Variants in HMGA2 observed in about 807,000 individuals in gnomAD.
The protein encoded by HMGA2 is high mobility group AT-hook 2.
A neutral mutation model predicts 19.1 loss-of-function variants in HMGA2; 8 were observed. The observed-to-expected ratio is 0.42, with a 90% confidence interval of 0.25 to 0.76. HMGA2 has a LOEUF of 0.76. Among genes scored for constraint, HMGA2 ranks in the 30% least tolerant of loss-of-function variants. HMGA2 has a pLI of 0.28. For missense variants in HMGA2, 109 were observed against 136.3 expected, an observed-to-expected ratio of 0.80 and a Z score of 1.00; for synonymous variants, 60 against 48.8, an observed-to-expected ratio of 1.23 and a Z score of -0.96.
chr12:65,874,745 T>C (rs1294072959), intron 3 of HMGA2, among the ~76,000 whole-genome samples: 1 of 152,370 alleles, frequency 6.6e-6, no homozygotes, highest in East Asian at 1.9e-4. Context: ...TGTTTTTCTG[T>C]ATGTATACAT....
intron 2 of HMGA2, among the ~76,000 whole-genome samples, chr12:65,836,068 G>C (rs1870704813): frequency 6.6e-6 from 1 of 152,160 alleles, no homozygotes; most frequent in African/African-American, 2.4e-5. Flanking sequence ...TACTTGCATT[G>C]ACCAAGGCTT....
At chr12:65,928,417 A>T (rs1875591163) in intron 3 of HMGA2, among the ~76,000 whole-genome samples, 1 of 152,230 alleles carries the variant, frequency 6.6e-6, no homozygotes, top group African/African-American at 2.4e-5. Flanking sequence ...AGCCTAGAAC[A>T]TTACTGTACA....
intron 3 of HMGA2, among the ~76,000 whole-genome samples, chr12:65,887,672 G>A (rs771492597): frequency 1.3e-5 from 2 of 152,000 alleles, no homozygotes; most frequent in South Asian, 2.1e-4. Context: ...GCAGTGAGCC[G>A]AGATCACGCC....
At chr12:65,880,395 C>G (rs572823814) in intron 3 of HMGA2, among the ~76,000 whole-genome samples, 1 of 152,152 alleles carries the variant, frequency 6.6e-6, no homozygotes, top group Non-Finnish European at 1.5e-5. Context: ...CCATGAAACA[C>G]GTGTTGCCCT....
At chr12:65,922,113 G>T (rs1002591399) in intron 3 of HMGA2, among the ~76,000 whole-genome samples, 1 of 152,188 alleles carries the variant, frequency 6.6e-6, no homozygotes, top group Non-Finnish European at 1.5e-5. Context: ...AGGGAAATGT[G>T]GGGTTGGAGC....
chr12:65,824,719 C>CTCTCTCTCTCTCTG lies in HMGA2; in HGVS notation c.-539_-538insGTCTCTCTCTCTCT, dbSNP rs1565697439. The stretch of plus-strand genomic sequence containing the variant: ...CACTTTCAATCTCAATCTCTTCTCT[C>CTCTCTCTCTCTCTG]TCTCTCTCTCTCTCTCTCTCTCTCT... On this transcript the variant is annotated 5_prime_UTR_variant, in exon 1 of 5. Coordinates refer to ENST00000403681, the MANE Select transcript of HMGA2 (RefSeq NM_003483.6). 4.4e-4 allele frequency: 31 copies of CTCTCTCTCTCTCTG among 70,564 alleles called. No individual in the cohort carries two copies. Among genetic ancestry groups the CTCTCTCTCTCTCTG allele is most frequent in the African/African-American group, 1.4e-3 (28 of 20,478 alleles). The allele number at this position is 70,564 out of a possible 1,614,324, so 4.4% of individuals were successfully genotyped here.
chr12:65,953,809 G>T (rs562612923), intron 4 of HMGA2: 2 of 152,206 alleles, frequency 1.3e-5, no homozygotes, highest in African/African-American at 2.4e-5. Context: ...CTACGTGAAA[G>T]TTCGTGGAGG....
Position 65,965,081 on chromosome 12 carries a change from G to C in HMGA2, c.*1789G>C, listed in dbSNP as rs1876870056. ...AAAACTATTTTTGTAAAAGACATTT[G>C]ATAGAAAGGAACACGTTTTTACATA... On this transcript the variant is annotated 3_prime_UTR_variant, in exon 5 of 5. Transcript: ENST00000403681. 1 of 191,248 alleles carries C rather than the reference G, an allele frequency of 5.2e-6. No individual in the cohort carries two copies. The highest frequency in any genetic ancestry group is 6.2e-5 in the Admixed American group (1 of 16,256). 11.8% of individuals were successfully genotyped at this position (191,248 alleles called of 1,614,324 possible).
intron 3 of HMGA2, among the ~76,000 whole-genome samples, chr12:65,875,957 T>A (rs920558460): frequency 2.0e-5 from 3 of 152,134 alleles, no homozygotes; most frequent in East Asian, 1.9e-4. Context: ...TGATTTTTTT[T>A]AAAAGTGGTT....
chr12:65,964,021 G>A lies in HMGA2; in HGVS notation c.*729G>A, dbSNP rs17847167. On this transcript the variant is annotated 3_prime_UTR_variant, in exon 5 of 5. Transcript: ENST00000403681. ...TTATGGATATCACACATATCAGCAG[G>A]AGTAATAAATTTACTCACAGCACTT... The A allele has an allele frequency of 6.2e-5, 13 of 208,112 alleles. No homozygotes were observed. In the East Asian group the frequency reaches 9.6e-4, roughly 15 times the overall value. The allele number at this position is 208,112 out of a possible 1,614,324, so 12.9% of individuals were successfully genotyped here. A position where few individuals can be genotyped will look rare whatever the true frequency, so the allele number is the denominator to read the frequency against.
At chr12:65,828,260 A>G (rs1323444171) in intron 2 of HMGA2, 173 bp downstream of exon 2, 1 of 601,830 alleles carries the variant, frequency 1.7e-6, no homozygotes, top group Non-Finnish European at 3.1e-6. Context: ...TTTTGTAAGC[A>G]GATGCTCAGC....
At chr12:65,908,945 C>G (rs574301183) in intron 3 of HMGA2, among the ~76,000 whole-genome samples, 166 of 152,246 alleles carry the variant, frequency 1.1e-3, no homozygotes, top group African/African-American at 3.8e-3. Context: ...CTTAAAAAGG[C>G]TTACTTCTGA....
At chr12:65,830,242 T>C (rs1870420793) in intron 2 of HMGA2, among the ~76,000 whole-genome samples, 1 of 152,000 alleles carries the variant, frequency 6.6e-6, no homozygotes, top group African/African-American at 2.4e-5. Flanking sequence ...CTTAAGGTAT[T>C]TTCACTTTCA....
intron 3 of HMGA2, among the ~76,000 whole-genome samples, chr12:65,903,861 A>G (rs1874474737): frequency 6.6e-6 from 1 of 152,186 alleles, no homozygotes; most frequent in Non-Finnish European, 1.5e-5. Flanking sequence ...GATAACATCC[A>G]TTTTTGTTGC....
chr12:65,959,448 G>T (rs1349472779), intron 4 of HMGA2, among the ~76,000 whole-genome samples: 3 of 152,134 alleles, frequency 2.0e-5, no homozygotes, highest in African/African-American at 7.2e-5. Context: ...GCCCACCCCT[G>T]TTCCCCACTC....
chr12:65,914,653 AT>A (rs895301463), intron 3 of HMGA2: 25 of 282,196 alleles, frequency 8.9e-5, no homozygotes, highest in South Asian at 3.3e-4. Context: ...TTAAAAAAAA[AT>A]GTTTTGGTTG....
At chr12:65,922,820 G>A (rs534285204) in intron 3 of HMGA2, among the ~76,000 whole-genome samples, 8 of 152,186 alleles carry the variant, frequency 5.3e-5, no homozygotes, top group South Asian at 4.2e-4. Flanking sequence ...CATGGGGGCC[G>A]GTCTTTCCTG....
chr12:65,843,057 T>C (rs983672278), intron 3 of HMGA2: 1 of 257,392 alleles, frequency 3.9e-6, no homozygotes. Flanking sequence ...CAGAATATTT[T>C]AAAAGAAAGG....
At chr12:65,939,648 GC>G (rs1379474041) in intron 3 of HMGA2, among the ~76,000 whole-genome samples, 5 of 152,110 alleles carry the variant, frequency 3.3e-5, no homozygotes, top group Admixed American at 6.5e-5. Flanking sequence ...GAGACACCAC[GC>G]CCGGCCACAT....
Sources: allele counts gnomAD v4.1 joint callset (sites outside exome capture counted in the v4.1 genomes callset), GRCh38; gene constraint gnomAD v4.1.1; transcripts MANE v1.5; gene names NCBI Gene and HGNC (gene_info 2026-07-23, HGNC 2026-07-21).